The following GPCPD1 variants were observed in gnomAD, a reference collection of about 807,000 sequenced individuals.
The protein encoded by GPCPD1 is glycerophosphocholine phosphodiesterase GPCPD1.
Under a neutral mutation model 89.2 loss-of-function variants are expected in GPCPD1, and 29 were observed. The ratio of observed to expected loss-of-function variants is 0.33; its 90% CI spans 0.24 to 0.44. GPCPD1 has a LOEUF of 0.44. Ranked by LOEUF, GPCPD1 falls within the 20% of genes least tolerant of loss-of-function variation. The pLI, the probability that GPCPD1 is intolerant of heterozygous loss-of-function variation, is 1.00. For missense variants in GPCPD1, 594 were observed against 808.9 expected (o/e 0.73, Z 3.22); for synonymous variants, 258 against 266.3 (o/e 0.97, Z 0.30).
intron 10 of GPCPD1, chr20:5,574,174 A>C (rs1334605795): frequency 3.5e-6 from 2 of 566,290 alleles, no homozygotes; most frequent in Non-Finnish European, 6.3e-6. Flanking sequence ...GATATTTACA[A>C]GCTGAATACC....
In GPCPD1 at chr20:5,607,624, T is replaced by C. The variant is rs532247238; in HGVS notation, c.-28-3184A>G. Among the ~76,000 whole-genome samples, 42 of 151,990 alleles carry C rather than the reference T, an allele frequency of 2.8e-4. No individual in the cohort carries two copies. The South Asian group carries it at 8.3e-3, about 30-fold the overall frequency. On this transcript the variant is annotated intron_variant, in intron 1 of 19. Coordinates refer to ENST00000379019, the MANE Select transcript of GPCPD1 (RefSeq NM_019593.5). ...AAGGCTTCCCTTCATCAAAATAATT[T>C]CTAAAATAAATAATTTCTTATTCTA...
chr20:5,578,521 T>C lies in GPCPD1; in HGVS notation c.564A>G (p.Ile188Met). 6.2e-7 allele frequency: 1 copy of C among 1,613,392 alleles called. No individual in the cohort carries two copies. The highest frequency in any genetic ancestry group is 8.5e-7 in the Non-Finnish European group (1 of 1,179,278). Residue 188 changes from isoleucine (I) to methionine (M), a missense_variant, in exon 8 of 20, where the codon ATA (isoleucine) becomes ATG (methionine). Transcript: ENST00000379019. ...TGAACTCATTGTCGCTTATTAAGGA[T>C]ATCTCCAAGCTATTGGACATTTTGT... ...VLHKMSNSLE[I>M]SLISDNEFKC...
rs571866298 is a variant in GPCPD1 at position 5,573,030 on chromosome 20, C to G, written c.1056+885G>C. On this transcript the variant is annotated intron_variant, in intron 11 of 19. Transcript: ENST00000379019. The stretch of plus-strand genomic sequence containing the variant: ...GGGACTATAGGTATGAGCCACCACA[C>G]TCAGCTGATACACTTCTTTCAAGTG... Among the ~76,000 whole-genome samples the G allele has an allele frequency of 4.6e-4, 70 of 152,096 alleles. 1 individual carries two copies. The highest frequency in any genetic ancestry group is 3.4e-3 in the Middle Eastern group (1 of 294).
chr20:5,567,048 G>A (rs545079518), intron 13 of GPCPD1, among the ~76,000 whole-genome samples: 1 of 152,058 alleles, frequency 6.6e-6, no homozygotes, highest in South Asian at 2.1e-4. Context: ...TCCTAATAGG[G>A]ACAGGAAGAG....
At chr20:5,579,941 A>AT in intron 7 of GPCPD1, 67 bp downstream of exon 7, 1 of 987,412 alleles carries the variant, frequency 1.0e-6, no homozygotes, top group Non-Finnish European at 1.5e-6. Flanking sequence ...GCTAAAACCA[A>AT]TTGAGTCTGA....
intron 2 of GPCPD1, among the ~76,000 whole-genome samples, chr20:5,602,537 T>C (rs951368603): frequency 1.3e-5 from 2 of 152,200 alleles, no homozygotes; most frequent in South Asian, 2.1e-4. Flanking sequence ...GACTCACACA[T>C]ACTCTGCCAA....
intron 6 of GPCPD1, among the ~76,000 whole-genome samples, chr20:5,582,186 C>CAAAAAAAAAAAA (rs1164754193): frequency 5.5e-5 from 2 of 36,280 alleles, no homozygotes; most frequent in Non-Finnish European, 9.2e-5. Context: ...ACTCCCGTCT[C>CAAAAAAAAAAAA]AAAAAAAAAA....
chr20:5,580,942 C>T (rs1436235769), intron 6 of GPCPD1, among the ~76,000 whole-genome samples: 6 of 150,816 alleles, frequency 4.0e-5, no homozygotes, highest in African/African-American at 1.5e-4. Context: ...GGCACGATCT[C>T]AACTCACTGC....
At chr20:5,550,283 C>CAAAAAAAAAA (rs11476159) in intron 19 of GPCPD1, among the ~76,000 whole-genome samples, 188 of 74,922 alleles carry the variant, frequency 2.5e-3, no homozygotes, top group Middle Eastern at 0.015. Flanking sequence ...TCAAATGAAG[C>CAAAAAAAAAA]AAAAAAAAAA....
intron 19 of GPCPD1, among the ~76,000 whole-genome samples, chr20:5,549,919 A>C (rs546856483): frequency 6.6e-6 from 1 of 152,180 alleles, no homozygotes; most frequent in Non-Finnish European, 1.5e-5. Flanking sequence ...GAGGCCAGGC[A>C]CGGTGGCTCA....
intron 10 of GPCPD1, among the ~76,000 whole-genome samples, chr20:5,574,312 C>T (rs1296341165): frequency 6.6e-6 from 1 of 152,166 alleles, no homozygotes; most frequent in Non-Finnish European, 1.5e-5. Flanking sequence ...CTGCTCCTTG[C>T]AATACAGCCT....
In GPCPD1 at chr20:5,578,281, G is replaced by A; in HGVS notation, c.705+99C>T. The A allele has an allele frequency of 3.9e-6, 3 of 771,678 alleles. No individual in the cohort carries two copies. In the South Asian group the frequency reaches 4.8e-5, roughly 12 times the overall value. The allele number at this position is 771,678 out of a possible 1,614,324, so 47.8% of individuals were successfully genotyped here. A position where few individuals can be genotyped will look rare whatever the true frequency, so the allele number is the denominator to read the frequency against. The stretch of plus-strand genomic sequence containing the variant: ...AGAAGAGCATACCTCTAAAAAGTTA[G>A]CTTTACACAAATTAGATTAAAATGA... On this transcript the variant is annotated intron_variant, in intron 8 of 19. Transcript: ENST00000379019.
At chr20:5,583,532 G>C (rs543779533) in intron 6 of GPCPD1, among the ~76,000 whole-genome samples, 1 of 152,200 alleles carries the variant, frequency 6.6e-6, no homozygotes. Context: ...TGGGCGGGTG[G>C]GGGTAAGAAT....
rs1986317960 is a variant in GPCPD1 at position 5,565,169 on chromosome 20, A to C, written c.1268-91T>G. 4.0e-6 allele frequency: 3 copies of C among 746,172 alleles called. No homozygotes were observed. The Admixed American group carries it at 5.9e-5, about 15-fold the overall frequency. 46.2% of individuals were successfully genotyped at this position (746,172 alleles called of 1,614,324 possible). A position where few individuals can be genotyped will look rare whatever the true frequency, so the allele number is the denominator to read the frequency against. On this transcript the variant is annotated intron_variant, in intron 14 of 19. Transcript: ENST00000379019. Reference sequence around the variant, plus strand: ...ATCCTTAGTGCCAAAAAAAACAGGGAAAGAGAGAGAGAGTGTGTGTGTGAG... The same window carrying C: ...ATCCTTAGTGCCAAAAAAAACAGGGCAAGAGAGAGAGAGTGTGTGTGTGAG...
chr20:5,608,124 G>T (rs1980720141), intron 1 of GPCPD1, among the ~76,000 whole-genome samples: 1 of 152,110 alleles, frequency 6.6e-6, no homozygotes, highest in South Asian at 2.1e-4. Context: ...ATTATCTCTA[G>T]ATTTCTACTG....
intron 11 of GPCPD1, among the ~76,000 whole-genome samples, chr20:5,572,675 A>G (rs1238107397): frequency 6.6e-6 from 1 of 152,154 alleles, no homozygotes; most frequent in Admixed American, 6.5e-5. Flanking sequence ...CCCTAGTTTC[A>G]CTTTGGAATG....
At chr20:5,565,135 C>T in intron 14 of GPCPD1, 57 bp from the exon 15 acceptor site, 1 of 879,590 alleles carries the variant, frequency 1.1e-6, no homozygotes, top group Non-Finnish European at 1.9e-6. Context: ...TCACTAAGAG[C>T]TTTCTTAAAT....
In GPCPD1 at chr20:5,554,199, T is replaced by C. The variant is rs998755620; in HGVS notation, c.1829+3746A>G. ...CGGGTTTTCACCGTGTTAGCCAGGATGGTCTCCATCTCCTGACCTTGTGAT... is the reference window on the plus strand; with the variant it reads ...CGGGTTTTCACCGTGTTAGCCAGGACGGTCTCCATCTCCTGACCTTGTGAT... On this transcript the variant is annotated intron_variant, in intron 19 of 19. Transcript: ENST00000379019. 2.1e-5 allele frequency among the ~76,000 whole-genome samples: 3 copies of C among 142,624 alleles called. 1 individual carries two copies. The highest frequency in any genetic ancestry group is 2.1e-4 in the Admixed American group (3 of 14,436). The allele number at this position is 142,624 out of a possible 152,430, so 93.6% of individuals were successfully genotyped here. A position where few individuals can be genotyped will look rare whatever the true frequency, so the allele number is the denominator to read the frequency against.
intron 16 of GPCPD1, among the ~76,000 whole-genome samples, chr20:5,561,162 A>C (rs1986056075): frequency 1.3e-5 from 2 of 152,236 alleles, no homozygotes; most frequent in African/African-American, 4.8e-5. Context: ...GAAAGTAAAA[A>C]CTAAATCCAA....
Sources: gnomAD v4.1 joint callset for allele counts (sites outside exome capture counted in the v4.1 genomes callset) on GRCh38, gnomAD v4.1.1 for gene constraint, MANE v1.5 for transcripts, NCBI Gene and HGNC (gene_info 2026-07-23, HGNC 2026-07-21) for gene names.